Variants in FRMD6 observed in about 807,000 individuals in gnomAD.
The protein encoded by FRMD6 is FERM domain containing 6, also known as FERM domain-containing protein 6.
Under a neutral mutation model 73.2 loss-of-function variants are expected in FRMD6, and 37 were observed. That is an observed-to-expected ratio of 0.51 (90% confidence interval 0.39 to 0.66). The LOEUF (loss-of-function observed/expected upper bound fraction) is 0.66, where lower values mean the gene tolerates loss of function less well. Among genes scored for constraint, FRMD6 ranks in the 30% least tolerant of loss-of-function variants. FRMD6 has a pLI of 0.00. For missense variants in FRMD6, 714 were observed against 780.5 expected, an observed-to-expected ratio of 0.91 and a Z score of 1.02; for synonymous variants, 273 against 282.2, an observed-to-expected ratio of 0.97 and a Z score of 0.33.
intron 2 of FRMD6, among the ~76,000 whole-genome samples, chr14:51,612,806 T>C (rs1245760059): frequency 6.6e-6 from 1 of 152,188 alleles, no homozygotes; most frequent in Non-Finnish European, 1.5e-5. Context: ...CCCCTACCAG[T>C]TCTCAGCACT....
At chr14:51,680,855 T>C (rs1894746676) in intron 1 of FRMD6, among the ~76,000 whole-genome samples, 2 of 152,178 alleles carry the variant, frequency 1.3e-5, no homozygotes, top group South Asian at 4.1e-4. Flanking sequence ...AACACTTTAG[T>C]GAGTACTTTT....
At chr14:51,633,082 A>T (rs914271861) in intron 2 of FRMD6, among the ~76,000 whole-genome samples, 6 of 152,220 alleles carry the variant, frequency 3.9e-5, no homozygotes, top group Admixed American at 3.9e-4. Flanking sequence ...AAAAAAATAG[A>T]TGTAGCAAAT....
At chr14:51,433,865 A>T in the FRMD6 span, among the ~76,000 whole-genome samples, 6 of 152,384 alleles carry the variant, frequency 3.9e-5, no homozygotes, top group East Asian at 9.6e-4. Flanking sequence ...CAACAGTAAG[A>T]AAAGTAGCAT....
chr14:51,712,264 T>C (rs897697783), intron 8 of FRMD6, among the ~76,000 whole-genome samples: 5 of 152,208 alleles, frequency 3.3e-5, no homozygotes, highest in African/African-American at 1.2e-4. Context: ...AGGGAAAAGA[T>C]TGCCTTAAAA....
intron 1 of FRMD6, among the ~76,000 whole-genome samples, chr14:51,506,199 C>T (rs559881152): frequency 1.3e-5 from 2 of 152,280 alleles, no homozygotes; most frequent in African/African-American, 4.8e-5. Flanking sequence ...TCAGATCTAG[C>T]CTTCTCTGCA....
At chr14:51,721,926 A>G (rs780765558) in intron 11 of FRMD6, 23 bp from the exon 12 acceptor site, 1 of 1,613,278 alleles carries the variant, frequency 6.2e-7, no homozygotes, top group Middle Eastern at 1.6e-4. Flanking sequence ...GTCATTAACT[A>G]TCTTTTCCTT....
chr14:51,658,316 C>T (rs1409479591), intron 1 of FRMD6, among the ~76,000 whole-genome samples: 1 of 148,320 alleles, frequency 6.7e-6, no homozygotes, highest in Non-Finnish European at 1.5e-5. Context: ...TGGGGCTTGC[C>T]TTTTCCCTTT....
At chr14:51,396,748 G>A in the FRMD6 span, among the ~76,000 whole-genome samples, 1 of 152,178 alleles carries the variant, frequency 6.6e-6, no homozygotes, top group Non-Finnish European at 1.5e-5. Flanking sequence ...CATGTTTGGG[G>A]AGTCTGTAGG....
the FRMD6 span, among the ~76,000 whole-genome samples, chr14:51,459,366 T>C: frequency 6.6e-6 from 1 of 152,208 alleles, no homozygotes; most frequent in African/African-American, 2.4e-5. Flanking sequence ...CACTAACTTC[T>C]TGCCTATCCG....
chr14:51,533,317 G>T (rs1885695000), intron 1 of FRMD6, among the ~76,000 whole-genome samples: 1 of 152,112 alleles, frequency 6.6e-6, no homozygotes, highest in Non-Finnish European at 1.5e-5. Context: ...ATGTTTACAA[G>T]GATTTATTTC....
At chr14:51,559,009 C>T (rs1887320503) in intron 1 of FRMD6, among the ~76,000 whole-genome samples, 1 of 152,204 alleles carries the variant, frequency 6.6e-6, no homozygotes, top group Non-Finnish European at 1.5e-5. Context: ...TGAGGAGCTA[C>T]TTTATGAGTA....
chr14:51,722,122 A>C (rs781778520), intron 12 of FRMD6, 42 bp downstream of exon 12: 1 of 1,609,048 alleles, frequency 6.2e-7, no homozygotes, highest in Non-Finnish European at 8.5e-7. Flanking sequence ...GTAGCAGGTT[A>C]TCCAGGACTG....
intron 1 of FRMD6, among the ~76,000 whole-genome samples, chr14:51,665,101 A>T (rs992908476): frequency 1.3e-5 from 2 of 152,204 alleles, no homozygotes; most frequent in African/African-American, 4.8e-5. Flanking sequence ...GGCTGCAGAC[A>T]TGTTTTGGCT....
At chr14:51,531,797 A>G (rs1885598864) in intron 1 of FRMD6, among the ~76,000 whole-genome samples, 1 of 152,210 alleles carries the variant, frequency 6.6e-6, no homozygotes, top group Non-Finnish European at 1.5e-5. Context: ...GAAAATGCCA[A>G]TCAATATTCA....
intron 2 of FRMD6, among the ~76,000 whole-genome samples, chr14:51,618,348 A>G (rs994442342): frequency 6.6e-6 from 1 of 152,184 alleles, no homozygotes. Flanking sequence ...GCCAAGGGAA[A>G]AGCGGCAAGA....
the FRMD6 span, among the ~76,000 whole-genome samples, chr14:51,407,067 T>G: frequency 6.6e-6 from 1 of 152,134 alleles, no homozygotes; most frequent in Non-Finnish European, 1.5e-5. Flanking sequence ...TTAATGTGAA[T>G]TTTTTTCTAA....
At chr14:51,619,616 C>T (rs906936040) in intron 2 of FRMD6, among the ~76,000 whole-genome samples, 1 of 152,118 alleles carries the variant, frequency 6.6e-6, no homozygotes, top group African/African-American at 2.4e-5. Flanking sequence ...TAGACTACTC[C>T]ACACTAAGAG....
intron 1 of FRMD6, among the ~76,000 whole-genome samples, chr14:51,510,479 T>C (rs1305114643): frequency 1.3e-5 from 2 of 152,212 alleles, no homozygotes; most frequent in African/African-American, 4.8e-5. Context: ...TTGTTATTAA[T>C]AATTTCTAAA....
chr14:51,723,877 A>G (rs1255170265), intron 12 of FRMD6, among the ~76,000 whole-genome samples: 1 of 152,162 alleles, frequency 6.6e-6, no homozygotes, highest in East Asian at 1.9e-4. Context: ...TAATAACATA[A>G]GAAGGATAGT....
Sources: gnomAD v4.1 joint callset for allele counts (sites outside exome capture counted in the v4.1 genomes callset) on GRCh38, gnomAD v4.1.1 for gene constraint, MANE v1.5 for transcripts, NCBI Gene and HGNC (gene_info 2026-07-23, HGNC 2026-07-21) for gene names.